The following RARB variants were observed in gnomAD, a reference collection of about 807,000 sequenced individuals.
RARB encodes retinoic acid receptor beta, also known as HBV-activated protein.
RARB carries 17 observed loss-of-function variants against 51.9 expected under a neutral mutation model. The ratio of observed to expected loss-of-function variants is 0.33; its 90% confidence interval spans 0.22 to 0.49. RARB has a LOEUF of 0.49. Ranked by LOEUF, RARB falls within the 20% of genes least tolerant of loss-of-function variation. The pLI is 0.99. For missense variants in RARB, 369 were observed against 550.8 expected (o/e 0.67, Z 3.30); for synonymous variants, 215 against 195.4 (o/e 1.10, Z -0.84).
At chr3:25,171,547 G>A (rs929753060) in intron 4 of RARB, among the ~76,000 whole-genome samples, 2 of 117,832 alleles carry the variant, frequency 1.7e-5, no homozygotes, top group African/African-American at 3.3e-5. Context: ...AACCAGACAG[G>A]CAAGATGCTG....
At chr3:25,325,639 A>G (rs1262664100) in intron 5 of RARB, among the ~76,000 whole-genome samples, 1 of 151,772 alleles carries the variant, frequency 6.6e-6, no homozygotes. Context: ...TTCTAACTGC[A>G]GTGCTTACTC....
At chr3:25,591,137 AC>A (rs1396829561) in intron 5 of RARB, among the ~76,000 whole-genome samples, 1 of 152,178 alleles carries the variant, frequency 6.6e-6, no homozygotes, top group Non-Finnish European at 1.5e-5. Context: ...GAAAATAACG[AC>A]CCATCAAATG....
intron 4 of RARB, among the ~76,000 whole-genome samples, chr3:25,147,767 T>C (rs577538730): frequency 1.3e-5 from 2 of 152,362 alleles, no homozygotes; most frequent in South Asian, 2.1e-4. Context: ...GCAGTTTCCA[T>C]TGCAAAGAGG....
intron 5 of RARB, among the ~76,000 whole-genome samples, chr3:25,406,563 T>A (rs118136176): frequency 1.3e-5 from 2 of 152,332 alleles, no homozygotes; most frequent in East Asian, 3.9e-4. Flanking sequence ...ATAAGGATAT[T>A]GGATAATCTG....
intron 5 of RARB, among the ~76,000 whole-genome samples, chr3:25,215,135 C>T (rs1211720999): frequency 1.3e-5 from 2 of 152,258 alleles, no homozygotes; most frequent in African/African-American, 2.4e-5. Context: ...TCACCTGGGG[C>T]CCAAGTGTCA....
intron 5 of RARB, among the ~76,000 whole-genome samples, chr3:25,197,452 A>G (rs1701273280): frequency 6.6e-6 from 1 of 151,460 alleles, no homozygotes; most frequent in African/African-American, 2.4e-5. Flanking sequence ...AGTACCATGC[A>G]ATAAGACAGT....
chr3:25,323,805 A>C (rs1366467010), intron 5 of RARB, among the ~76,000 whole-genome samples: 1 of 152,204 alleles, frequency 6.6e-6, no homozygotes, highest in Admixed American at 6.5e-5. Flanking sequence ...TTTAGAAATT[A>C]AACTAAATTT....
chr3:25,590,268 A>T (rs999877526), intron 5 of RARB, among the ~76,000 whole-genome samples: 1 of 152,228 alleles, frequency 6.6e-6, no homozygotes, highest in Admixed American at 6.5e-5. Context: ...AGTTAGAAAC[A>T]TTTGAGGGCT....
intron 1 of RARB, among the ~76,000 whole-genome samples, chr3:24,842,349 T>C (rs1702429767): frequency 1.3e-5 from 2 of 152,194 alleles, no homozygotes; most frequent in South Asian, 4.1e-4. Context: ...ATTTCCTTTA[T>C]AGAAAAATAA....
chr3:25,360,903 C>G (rs913817962), intron 5 of RARB, among the ~76,000 whole-genome samples: 1 of 152,098 alleles, frequency 6.6e-6, no homozygotes, highest in African/African-American at 2.4e-5. Context: ...CTCTGGCTGC[C>G]CTTAACATTT....
intron 1 of RARB, among the ~76,000 whole-genome samples, chr3:25,457,321 A>G (rs1315830384): frequency 6.6e-6 from 1 of 152,196 alleles, no homozygotes; most frequent in African/African-American, 2.4e-5. Context: ...GTATAACACA[A>G]TGCCTGGCAT....
At chr3:25,301,889 C>T (rs1383421468) in intron 5 of RARB, among the ~76,000 whole-genome samples, 1 of 152,182 alleles carries the variant, frequency 6.6e-6, no homozygotes. Flanking sequence ...AGTAGCCCCA[C>T]AAATAGCAGA....
chr3:25,009,523 G>T (rs1184635907), intron 2 of RARB, among the ~76,000 whole-genome samples: 2 of 152,050 alleles, frequency 1.3e-5, no homozygotes, highest in Non-Finnish European at 2.9e-5. Context: ...TGAGAAAGTT[G>T]TTCTAAGATC....
At chr3:25,247,363 G>A (rs1702589539) in intron 5 of RARB, among the ~76,000 whole-genome samples, 1 of 152,134 alleles carries the variant, frequency 6.6e-6, no homozygotes, top group African/African-American at 2.4e-5. Context: ...GGTGCCACTG[G>A]GATACAAACA....
At chr3:25,558,175 C>T (rs958237697) in intron 3 of RARB, among the ~76,000 whole-genome samples, 4 of 152,126 alleles carry the variant, frequency 2.6e-5, no homozygotes, top group Non-Finnish European at 5.9e-5. Context: ...TGTTTTCAAG[C>T]GCTTGGCCTC....
At chr3:25,354,993 C>A (rs1705689436) in intron 5 of RARB, among the ~76,000 whole-genome samples, 1 of 152,068 alleles carries the variant, frequency 6.6e-6, no homozygotes, top group Non-Finnish European at 1.5e-5. Flanking sequence ...CCCAGCTCTT[C>A]CACTTCATAA....
At chr3:25,285,557 A>G (rs1275688788) in intron 5 of RARB, among the ~76,000 whole-genome samples, 1 of 152,216 alleles carries the variant, frequency 6.6e-6, no homozygotes, top group East Asian at 1.9e-4. Flanking sequence ...TGACAGACCA[A>G]TTAAGATGGT....
At chr3:24,968,344 C>A (rs1696323682) in intron 2 of RARB, among the ~76,000 whole-genome samples, 1 of 152,138 alleles carries the variant, frequency 6.6e-6, no homozygotes, top group African/African-American at 2.4e-5. Flanking sequence ...TTTGCTAAGA[C>A]TATAGTTCTC....
chr3:25,420,220 T>C (rs1707822523), intron 5 of RARB, among the ~76,000 whole-genome samples: 1 of 152,178 alleles, frequency 6.6e-6, no homozygotes, highest in African/African-American at 2.4e-5. Context: ...CACATTGAGC[T>C]TTTTATTTGC....
Sources: gnomAD v4.1 joint callset for allele counts (sites outside exome capture counted in the v4.1 genomes callset) on GRCh38, gnomAD v4.1.1 for gene constraint, MANE v1.5 for transcripts, NCBI Gene and HGNC (gene_info 2026-07-23, HGNC 2026-07-21) for gene names.